MRAP2: variants seen among roughly 807,000 people sequenced by gnomAD.
MRAP2 encodes the protein melanocortin 2 receptor accessory protein 2, also known as melanocortin-2 receptor accessory protein 2.
In MRAP2, 20 loss-of-function variants were observed where a neutral mutation model predicts 17.4. That is an observed-to-expected ratio of 1.15 (90% confidence interval 0.81 to 1.67). The LOEUF (loss-of-function observed/expected upper bound fraction) is 1.67, where lower values mean the gene tolerates loss of function less well. Among genes scored for constraint, MRAP2 ranks in the 40% most tolerant of loss-of-function variants. MRAP2 has a pLI of 0.00. For synonymous variants in MRAP2, 96 were observed against 88.4 expected (o/e 1.09, Z -0.48); for missense variants, 238 against 240.0 (o/e 0.99, Z 0.05).
At chr6:84,055,553 C>T in intron 2 of MRAP2, 108 bp downstream of exon 2, 1 of 1,119,034 alleles carries the variant, frequency 8.9e-7, no homozygotes, top group Non-Finnish European at 1.3e-6. Flanking sequence ...ACAGAACTCT[C>T]TGTCCTCTAC....
chr6:84,062,531 A>T lies in MRAP2; in HGVS notation c.128-362A>T, dbSNP rs183147840. On this transcript the variant is annotated intron_variant, in intron 2 of 3. Coordinates refer to ENST00000257776, the MANE Select transcript of MRAP2 (RefSeq NM_138409.4). Reference sequence around the variant, plus strand: ...CTTTTAACAGTAGGAATCCAAATGCACTTAAAACTTGAGTTGATAGTCTGC... The same window carrying T: ...CTTTTAACAGTAGGAATCCAAATGCTCTTAAAACTTGAGTTGATAGTCTGC... 12 of 984,820 alleles carry T rather than the reference A, an allele frequency of 1.2e-5. No homozygotes were observed. In the Admixed American group the frequency reaches 1.8e-4, roughly 15 times the overall value. The allele number at this position is 984,820 out of a possible 1,614,324, so 61.0% of individuals were successfully genotyped here. A position where few individuals can be genotyped will look rare whatever the true frequency, so the allele number is the denominator to read the frequency against.
At chr6:84,145,804 A>G in the MRAP2 span, among the ~76,000 whole-genome samples, 11 of 152,164 alleles carry the variant, frequency 7.2e-5, no homozygotes, top group Non-Finnish European at 1.5e-4. Flanking sequence ...TGCGTGTCTT[A>G]TAACTAGACA....
intron 3 of MRAP2, among the ~76,000 whole-genome samples, chr6:84,084,031 A>G (rs1202602997): frequency 5.3e-5 from 8 of 152,196 alleles, no homozygotes; most frequent in Admixed American, 3.9e-4. Flanking sequence ...AAGGCTGTGA[A>G]CTAAAATTTT....
chr6:84,133,887 A>G, the MRAP2 span, among the ~76,000 whole-genome samples: 9 of 152,156 alleles, frequency 5.9e-5, no homozygotes, highest in Non-Finnish European at 2.9e-5. Context: ...AGCCCCAGTG[A>G]GATGAACCTG....
chr6:84,041,862 G>A (rs1255748443), intron 1 of MRAP2, among the ~76,000 whole-genome samples: 2 of 152,174 alleles, frequency 1.3e-5, no homozygotes, highest in African/African-American at 2.4e-5. Context: ...TGAGACTTTG[G>A]ACTTGGACTT....
the MRAP2 span, among the ~76,000 whole-genome samples, chr6:84,137,320 T>C: frequency 6.6e-6 from 1 of 152,174 alleles, no homozygotes. Context: ...CTAGCGAGCC[T>C]TACAACGGCA....
chr6:84,087,838 A>G (rs193121012), intron 3 of MRAP2, among the ~76,000 whole-genome samples: 3 of 152,290 alleles, frequency 2.0e-5, no homozygotes, highest in Admixed American at 2.0e-4. Context: ...GCTTGATGTC[A>G]CCCAGGTAAC....
the MRAP2 span, among the ~76,000 whole-genome samples, chr6:84,136,407 TGAG>T: frequency 3.3e-5 from 5 of 152,292 alleles, no homozygotes; most frequent in South Asian, 1.0e-3. Flanking sequence ...AGAGAGGGAA[TGAG>T]AACCACTGAA....
the MRAP2 span, among the ~76,000 whole-genome samples, chr6:84,096,729 A>G: frequency 6.6e-6 from 1 of 152,230 alleles, no homozygotes; most frequent in African/African-American, 2.4e-5. Context: ...TCTCACAGGA[A>G]GTTCTGGGGC....
At position 84,082,141 on chromosome 6, in the gene MRAP2, T is replaced by C. The variant is rs143533740; in HGVS notation, c.228-6950T>C. ...GTTTAAGGTTATAGGGCTTCAGAAA[T>C]AGAACAGTTTGCATTTTTAGTAATT... On this transcript the variant is annotated intron_variant, in intron 3 of 3. Transcript: ENST00000257776. 6.2e-3 allele frequency among the ~76,000 whole-genome samples: 942 copies of C among 152,286 alleles called. 6 individuals are homozygous for C. The highest frequency in any genetic ancestry group is 0.022 in the African/African-American group (899 of 41,560).
the MRAP2 span, among the ~76,000 whole-genome samples, chr6:84,104,055 A>G: frequency 6.6e-6 from 1 of 152,224 alleles, no homozygotes; most frequent in African/African-American, 2.4e-5. Flanking sequence ...TACTTCAACA[A>G]ACTTAATTCT....
intron 2 of MRAP2, among the ~76,000 whole-genome samples, 177 bp downstream of exon 2, chr6:84,055,622 A>G (rs767040272): frequency 6.6e-6 from 1 of 152,228 alleles, no homozygotes; most frequent in Non-Finnish European, 1.5e-5. Flanking sequence ...CAGGAATGGT[A>G]CAGGAGGGCC....
chr6:84,142,839 T>C, the MRAP2 span, among the ~76,000 whole-genome samples: 12 of 152,060 alleles, frequency 7.9e-5, no homozygotes, highest in African/African-American at 2.4e-4. Flanking sequence ...AAGAAAAACA[T>C]GTATTTAACT....
downstream of MRAP2, among the ~76,000 whole-genome samples, chr6:84,093,056 A>G (rs1190699458): frequency 6.6e-6 from 1 of 152,124 alleles, no homozygotes; most frequent in Non-Finnish European, 1.5e-5. Flanking sequence ...GAAAGGTACA[A>G]TGTGTTTTTA....
intron 3 of MRAP2, among the ~76,000 whole-genome samples, chr6:84,086,711 G>C (rs2099500554): frequency 6.6e-6 from 1 of 152,166 alleles, no homozygotes; most frequent in South Asian, 2.1e-4. Flanking sequence ...GGTGGCCATG[G>C]GAGCACAGGG....
the MRAP2 span, among the ~76,000 whole-genome samples, chr6:84,123,843 T>A: frequency 6.6e-6 from 1 of 152,148 alleles, no homozygotes; most frequent in South Asian, 2.1e-4. Context: ...CTAATATTCA[T>A]CAGGTACAAG....
chr6:84,122,868 G>C, the MRAP2 span, among the ~76,000 whole-genome samples: 1 of 151,972 alleles, frequency 6.6e-6, no homozygotes, highest in Admixed American at 6.6e-5. Context: ...CTTGACAAGT[G>C]AGTTCAGTAA....
At chr6:84,034,166 T>G (rs2129154478) in intron 1 of MRAP2, among the ~76,000 whole-genome samples, 1 of 152,162 alleles carries the variant, frequency 6.6e-6, no homozygotes, top group African/African-American at 2.4e-5. Flanking sequence ...GCGGCGGCGC[T>G]CGGGGCTTGG....
downstream of MRAP2, among the ~76,000 whole-genome samples, chr6:84,091,577 A>G (rs1228942611): frequency 6.6e-6 from 1 of 152,174 alleles, no homozygotes; most frequent in African/African-American, 2.4e-5. Context: ...AATTTATTTA[A>G]TGAAATATAA....
Sources: allele counts gnomAD v4.1 joint callset (sites outside exome capture counted in the v4.1 genomes callset), GRCh38; gene constraint gnomAD v4.1.1; transcripts MANE v1.5; gene names NCBI Gene and HGNC (gene_info 2026-07-23, HGNC 2026-07-21).